ALG12: variants seen among roughly 807,000 people sequenced by gnomAD.
ALG12 encodes the protein dol-P-Man:Man(7)GlcNAc(2)-PP-Dol alpha-1,6-mannosyltransferase.
In ALG12, 36 loss-of-function variants were observed where a neutral mutation model predicts 46.0. The observed-to-expected ratio is 0.78, with a 90% confidence interval of 0.60 to 1.03. The LOEUF (loss-of-function observed/expected upper bound fraction) is 1.03, where lower values mean the gene tolerates loss of function less well. Ranked by LOEUF, ALG12 falls within the 50% of genes least tolerant of loss-of-function variation. The probability of loss-of-function intolerance (pLI) is 0.00; values close to 1 mark genes in which losing one functional copy is unlikely to be tolerated. For missense variants in ALG12, 599 were observed against 633.5 expected (o/e 0.95, Z 0.58); for synonymous variants, 326 against 291.6 (o/e 1.12, Z -1.20).
At chr22:49,891,734 G>T in the ALG12 span, among the ~76,000 whole-genome samples, 1 of 152,082 alleles carries the variant, frequency 6.6e-6, no homozygotes, top group African/African-American at 2.4e-5. Context: ...ATCTATTCAG[G>T]CATGTTCTAA....
At chr22:49,886,447 G>A in the ALG12 span, 1 of 1,576,966 alleles carries the variant, frequency 6.3e-7, no homozygotes, top group Non-Finnish European at 8.6e-7. This position sits in a 1 kb window ranked among gnomAD's most constrained non-coding sequence, Gnocchi z 7.7. Flanking sequence ...CCAGTGGGAG[G>A]TCATGCAGTC....
At chr22:49,914,439 G>T (rs2060598839) in intron 1 of ALG12, among the ~76,000 whole-genome samples, 2 of 152,158 alleles carry the variant, frequency 1.3e-5, no homozygotes, top group African/African-American at 4.8e-5. Flanking sequence ...AGAAGCCATG[G>T]CCGGCTTTCC....
chr22:49,904,990 A>C (rs1180281260), intron 7 of ALG12, among the ~76,000 whole-genome samples: 2 of 152,104 alleles, frequency 1.3e-5, no homozygotes, highest in African/African-American at 4.8e-5. Flanking sequence ...TGCCCGCCTC[A>C]GCCTCCCAAA....
At chr22:49,899,110 T>C (rs1161393841), downstream of ALG12, among the ~76,000 whole-genome samples, 1 of 151,992 alleles carries the variant, frequency 6.6e-6, no homozygotes, top group African/African-American at 2.4e-5. Flanking sequence ...GGCAACACAG[T>C]GAGATCCCAT....
chr22:49,912,960 C>T (rs1473441148), intron 3 of ALG12, among the ~76,000 whole-genome samples: 1 of 152,080 alleles, frequency 6.6e-6, no homozygotes, highest in Admixed American at 6.6e-5. Flanking sequence ...GAGAAAGACC[C>T]AGGATTTGCA....
At position 49,904,422 on chromosome 22, in the gene ALG12, T is replaced by A; in HGVS notation, c.1077A>T (p.Ser359=). 2 of 1,614,160 alleles carry A rather than the reference T, an allele frequency of 1.2e-6. No homozygotes were observed. The highest frequency in any genetic ancestry group is 1.7e-6 in the Non-Finnish European group (2 of 1,180,030). ...IGHLVVNAAY[S]ATALYVSHFN... The stretch of plus-strand genomic sequence containing the variant: ...AATGGGACACATACAGGGCCGTGGC[T>A]GAGTAGGCGGCATTCACCACGAGGT... Residue 359 remains serine, a synonymous_variant, in exon 8 of 10, where the codon TCA becomes TCT. Transcript: ENST00000330817.
chr22:49,859,703 A>AGTTAAAATTAATTTTAATTTTC, the ALG12 span, among the ~76,000 whole-genome samples: 1 of 152,242 alleles, frequency 6.6e-6, no homozygotes, highest in Non-Finnish European at 1.5e-5. Context: ...TTTGAATTAT[A>AGTTAAAATTAATTTTAATTTTC]GTTAAAATTA....
chr22:49,866,466 C>T, the ALG12 span, among the ~76,000 whole-genome samples: 2 of 151,946 alleles, frequency 1.3e-5, no homozygotes, highest in African/African-American at 4.8e-5. Context: ...CCTGTTTCTT[C>T]TTTTTTAGGT....
chr22:49,865,971 C>T, the ALG12 span, among the ~76,000 whole-genome samples: 10 of 151,906 alleles, frequency 6.6e-5, no homozygotes, highest in Admixed American at 2.6e-4. Flanking sequence ...CTCCACCTCC[C>T]GATGCTGATT....
chr22:49,878,994 A>T, the ALG12 span, among the ~76,000 whole-genome samples: 1 of 151,404 alleles, frequency 6.6e-6, no homozygotes, highest in African/African-American at 2.4e-5. Context: ...AATACAAAAA[A>T]ATTAGCCGGG....
At chr22:49,909,168 C>T in intron 6 of ALG12, 76 bp downstream of exon 6, 1 of 1,441,616 alleles carries the variant, frequency 6.9e-7, no homozygotes, top group Non-Finnish European at 9.8e-7. Flanking sequence ...GCAGCTGCTT[C>T]CACTGCCCAT....
At chr22:49,862,190 G>A in the ALG12 span, among the ~76,000 whole-genome samples, 2 of 152,238 alleles carry the variant, frequency 1.3e-5, no homozygotes, top group African/African-American at 2.4e-5. Flanking sequence ...GTAAGTCCCC[G>A]AGGGCGGTTG....
chr22:49,861,261 C>T, the ALG12 span, among the ~76,000 whole-genome samples: 6,668 of 151,856 alleles, frequency 0.044, 323 homozygotes, highest in African/African-American at 0.13. Flanking sequence ...TGTGCCTCAG[C>T]CTCCTGAGTA....
chr22:49,910,543 C>A lies in ALG12; in HGVS notation c.360G>T (p.Arg120=). ...GLWTLQKEVR[R]HFGAMVATMF... is the part of the protein sequence containing the mutation. ...TGGTGGCCACCATGGCCCCGAAGTG[C>A]CGTCTCACTTCCTTTTGTAACGTCC... The change falls in exon 4 of 10, where the codon CGG becomes CGT. Residue 120 remains arginine (R), a synonymous_variant. Transcript: ENST00000330817. The A allele has an allele frequency of 6.2e-7, 1 of 1,614,128 alleles. No homozygotes were observed. Among genetic ancestry groups the A allele is most frequent in the Non-Finnish European group, 8.5e-7 (1 of 1,180,028 alleles).
chr22:49,913,252 C>T, intron 3 of ALG12, 133 bp downstream of exon 3: 1 of 1,429,534 alleles, frequency 7.0e-7, no homozygotes, highest in Non-Finnish European at 9.7e-7. Context: ...TCTGAGCCGC[C>T]ATGCCACGGT....
chr22:49,905,507 G>A lies in ALG12; in HGVS notation c.993-1001C>T, dbSNP rs2060537653. On this transcript the variant is annotated intron_variant, in intron 7 of 9. Transcript: ENST00000330817. The surrounding 1 kb of genome is among the most constrained non-coding windows in gnomAD (Gnocchi z 4.9). ...AATGGATTAGCGCCATCCCCTCCAT[G>A]CTGTTCTCCTCATACCGAGTGAGTT... Among the ~76,000 whole-genome samples the A allele has an allele frequency of 6.6e-6, 1 of 152,224 alleles. No homozygotes were observed. The highest frequency in any genetic ancestry group is 1.5e-5 in the Non-Finnish European group (1 of 68,036).
In ALG12 at chr22:49,913,426, A is replaced by G; in HGVS notation, c.254T>C (p.Leu85Pro). The change falls in exon 3 of 10, where the codon CTT (leucine) becomes CCT (proline). Residue 85 changes from leucine (L) to proline (P), a missense_variant. By Grantham distance (98) the Leu-to-Pro change is moderately conservative. Transcript: ENST00000330817. The part of the protein sequence containing the change: ...AVFSSPAVYV[L>P]SLLEMSKFYS... ...AAACTTGGACATTTCTAACAGCGAA[A>G]GCACGTAAACCGCGGGGCTGGAGAA... is the stretch of plus-strand genomic sequence containing the variant. 6.2e-7 allele frequency: 1 copy of G among 1,614,028 alleles called. No homozygotes were observed. The highest frequency in any genetic ancestry group is 8.5e-7 in the Non-Finnish European group (1 of 1,180,028).
rs989268872 is a variant in ALG12 at position 49,905,719 on chromosome 22, C to G, written c.993-1213G>C. Among the ~76,000 whole-genome samples, 2 of 152,262 alleles carry G rather than the reference C, an allele frequency of 1.3e-5. No individual in the cohort carries two copies. Among genetic ancestry groups the G allele is most frequent in the Non-Finnish European group, 2.9e-5 (2 of 68,044 alleles). On this transcript the variant is annotated intron_variant, in intron 7 of 9. Coordinates refer to ENST00000330817, the MANE Select transcript of ALG12 (RefSeq NM_024105.4). The surrounding 1 kb of genome is among the most constrained non-coding windows in gnomAD (Gnocchi z 4.9). Reference sequence around the variant, plus strand: ...CCCGTACAGCCTGCGGAACCGCGAGCCAATGAAGCCTCCTCTTTATAAATT... The same window carrying G: ...CCCGTACAGCCTGCGGAACCGCGAGGCAATGAAGCCTCCTCTTTATAAATT...
At position 49,910,056 on chromosome 22, in the gene ALG12, C is replaced by G; in HGVS notation, c.502G>C (p.Glu168Gln). 1.2e-6 allele frequency: 2 copies of G among 1,612,146 alleles called. No individual in the cohort carries two copies. The highest frequency in any genetic ancestry group is 1.7e-6 in the Non-Finnish European group (2 of 1,179,500). The change falls in exon 5 of 10, where the codon GAG becomes CAG. Residue 168 changes from glutamate to glutamine, a missense_variant. Transcript: ENST00000330817. ...GACAGCCAGATGAAGCGGGCCCACT[C>G]GTGCCGCAGCCAGGCCGCGAGGGCC... ...LLALAAWLRH[E>Q]WARFIWLSAF...
Sources: gnomAD v4.1 joint callset for allele counts (sites outside exome capture counted in the v4.1 genomes callset) on GRCh38, gnomAD v4.1.1 for gene constraint, Gnocchi (gnomAD v3.1) non-coding constraint, MANE v1.5 for transcripts, NCBI Gene and HGNC (gene_info 2026-07-23, HGNC 2026-07-21) for gene names.